SMG1: variants seen among roughly 807,000 people sequenced by gnomAD.
SMG1 encodes the protein SMG1 nonsense mediated mRNA decay associated PI3K related kinase.
Under a neutral mutation model 419.9 loss-of-function variants are expected in SMG1, and 22 were observed. That is an observed-to-expected ratio of 0.05 (90% CI 0.04 to 0.07). SMG1 has a LOEUF of 0.07. Among genes scored for constraint, SMG1 ranks in the 10% least tolerant of loss-of-function variants. The pLI is 1.00. For missense variants in SMG1, 3,185 were observed against 4,342.0 expected (o/e 0.73, Z 7.49); for synonymous variants, 1,538 against 1,553.5 (o/e 0.99, Z 0.23).
At chr16:18,902,730 G>C (rs1567446911) in intron 1 of SMG1, among the ~76,000 whole-genome samples, 2 of 151,558 alleles carry the variant, frequency 1.3e-5, no homozygotes, top group Admixed American at 6.6e-5. Context: ...GAGTGGTCTT[G>C]GGAACCCCCA....
intron 46 of SMG1, 91 bp from the exon 47 acceptor site, chr16:18,836,623 G>T: frequency 7.5e-7 from 1 of 1,340,068 alleles, no homozygotes; most frequent in South Asian, 1.4e-5. Flanking sequence ...CACATGGACT[G>T]TCTGGTACGC....
At chr16:18,830,666 T>C (rs764105201) in intron 51 of SMG1, among the ~76,000 whole-genome samples, 22 of 152,274 alleles carry the variant, frequency 1.4e-4, no homozygotes, top group Non-Finnish European at 2.9e-4. Context: ...GGTGGGCACC[T>C]GTAGTCCCAG....
intron 23 of SMG1, 76 bp downstream of exon 23, chr16:18,866,545 C>T: frequency 7.5e-7 from 1 of 1,329,340 alleles, no homozygotes; most frequent in African/African-American, 1.4e-5. Flanking sequence ...TAAGATTTGG[C>T]TACAATGTCA....
At chr16:18,889,849 T>C (rs2036800231) in intron 5 of SMG1, among the ~76,000 whole-genome samples, 1 of 152,138 alleles carries the variant, frequency 6.6e-6, no homozygotes, top group Admixed American at 6.6e-5. Flanking sequence ...AATGCTAAAT[T>C]CCATCTCAAA....
At position 18,850,153 on chromosome 16, in the gene SMG1, A is replaced by G. The variant is rs368374192; in HGVS notation, c.5284-27T>C. The G allele has an allele frequency of 6.2e-6, 10 of 1,601,970 alleles. No individual in the cohort carries two copies. In the African/African-American group the frequency reaches 1.1e-4, roughly 17 times the overall value. ...TAAGAGTGAAAGATGAGGGGAATAA[A>G]TAAGAAAATAACTCAGAACACTACT... On this transcript the variant is annotated intron_variant, in intron 34 of 62. Transcript: ENST00000446231.
chr16:18,830,397 C>G (rs529696928), intron 51 of SMG1, 28 bp from the exon 52 acceptor site: 1 of 1,612,070 alleles, frequency 6.2e-7, no homozygotes, highest in Non-Finnish European at 8.5e-7. Flanking sequence ...GAGTTAAAAC[C>G]TTCGCTGAAA....
intron 46 of SMG1, among the ~76,000 whole-genome samples, chr16:18,836,972 GAAA>G (rs1317258089): frequency 4.6e-5 from 7 of 152,172 alleles, no homozygotes; most frequent in Admixed American, 3.3e-4. Context: ...ATGGTAATGA[GAAA>G]ACCAAAACCC....
At chr16:18,866,808 A>G (rs770069969) in intron 22 of SMG1, 33 bp from the exon 23 acceptor site, 5 of 1,578,562 alleles carry the variant, frequency 3.2e-6, no homozygotes, top group Admixed American at 3.3e-5. Context: ...TAGTCACCCA[A>G]TACCATTAAA....
intron 29 of SMG1, chr16:18,857,644 C>T (rs1320538033): frequency 2.6e-5 from 4 of 152,160 alleles, no homozygotes; most frequent in Non-Finnish European, 4.4e-5. Flanking sequence ...GAGAGAAACA[C>T]AAATATACGT....
In SMG1 at chr16:18,869,868, G is replaced by C. The variant is rs1567399243; in HGVS notation, c.2619C>G (p.Asn873Lys). The C allele has an allele frequency of 3.2e-6, 5 of 1,582,528 alleles. No homozygotes were observed. Among genetic ancestry groups the C allele is most frequent in the South Asian group, 1.1e-5 (1 of 90,398 alleles). Reference sequence around the variant, plus strand: ...AAATGCCTTACCCTGTTCTATGAGAGTTCCCATACAAAATAAAACTAATAA... The same window carrying C: ...AAATGCCTTACCCTGTTCTATGAGACTTCCCATACAAAATAAAACTAATAA... ...SDVISFILYG[N>K]SHRTGKDNWL... The change falls in exon 19 of 63, where the codon AAC becomes AAG. Residue 873 changes from asparagine to lysine, a missense_variant. Physicochemically the swap from Asn to Lys is moderately conservative, Grantham distance 94 (BLOSUM62 0). Around this residue, in one of 27 missense-constraint regions of SMG1, gnomAD observed 297 missense variants for 491.0 expected, o/e 0.60. Transcript: ENST00000446231.
At chr16:18,889,793 C>T (rs932944471) in intron 5 of SMG1, among the ~76,000 whole-genome samples, 9 of 152,148 alleles carry the variant, frequency 5.9e-5, no homozygotes, top group Admixed American at 2.0e-4. Context: ...ATATTACTTT[C>T]TTTTTACAAA....
chr16:18,924,691 T>C (rs2038323759), intron 1 of SMG1, among the ~76,000 whole-genome samples: 1 of 152,144 alleles, frequency 6.6e-6, no homozygotes, highest in South Asian at 2.1e-4. Flanking sequence ...ACATCTCAAT[T>C]CTAGACTCAG....
rs555580548 is a variant in SMG1, at chr16:18,808,479, G to A, written c.*1090C>T. On this transcript the variant is annotated 3_prime_UTR_variant, in exon 63 of 63. Transcript: ENST00000446231. ...TTATTGTTAATCTATCATCAACAAT[G>A]TAAAACTCTAATAGATACTCTATCT... 3 of 152,248 alleles carry A rather than the reference G, an allele frequency of 2.0e-5. No homozygotes were observed. The East Asian group carries it at 5.8e-4, about 29-fold the overall frequency. The allele number at this position is 152,248 out of a possible 1,614,324, so 9.4% of individuals were successfully genotyped here.
In SMG1 at chr16:18,853,699, T is replaced by C; in HGVS notation, c.4652A>G (p.His1551Arg). Residue 1551 changes from histidine to arginine, a missense_variant, in exon 31 of 63, where the codon CAC becomes CGC. By Grantham distance (29) the His-to-Arg change is conservative (BLOSUM62 0). Around this residue, in one of 27 missense-constraint regions of SMG1, gnomAD observed 493 missense variants for 552.9 expected, o/e 0.89. Transcript: ENST00000446231. The part of the protein sequence containing the change: ...GQLKQVYRAQ[H>R]QQNFTGLSTL... ...AGAAAGACCTGTGAAGTTCTGTTGG[T>C]GCTGAGCTCTGTAAACCTGTTTCAG... The C allele has an allele frequency of 6.2e-7, 1 of 1,613,870 alleles. No individual in the cohort carries two copies. Among genetic ancestry groups the C allele is most frequent in the Non-Finnish European group, 8.5e-7 (1 of 1,179,828 alleles).
chr16:18,871,645 T>C (rs989138937), intron 15 of SMG1, among the ~76,000 whole-genome samples, 163 bp from the exon 16 acceptor site: 9 of 152,150 alleles, frequency 5.9e-5, no homozygotes, highest in Admixed American at 5.9e-4. Context: ...ACTGTCAAAA[T>C]TGTTGTGTGC....
chr16:18,817,581 CAGAATTGGTCCTGA>C (rs2032130055), intron 56 of SMG1, 111 bp from the exon 57 acceptor site: 1 of 862,252 alleles, frequency 1.2e-6, no homozygotes, highest in Non-Finnish European at 1.7e-6. Flanking sequence ...AATTCAGGAC[CAGAATTGGTCCTGA>C]AAATGTTTGG....
Position 18,848,044 on chromosome 16 carries a change from A to T in SMG1, c.5624-11T>A. 1 of 1,600,206 alleles carries T rather than the reference A, an allele frequency of 6.2e-7. No individual in the cohort carries two copies. The highest frequency in any genetic ancestry group is 8.6e-7 in the Non-Finnish European group (1 of 1,167,792). On this transcript the variant is annotated splice_polypyrimidine_tract_variant and intron_variant, in intron 36 of 62. Transcript: ENST00000446231. ...TGGAAAATTTATTTCCTGTAATGAA[A>T]TAGGAGAACAAGGAATATTTTGAAC...
At chr16:18,893,186 C>T (rs922147510) in intron 3 of SMG1, among the ~76,000 whole-genome samples, 1 of 152,228 alleles carries the variant, frequency 6.6e-6, no homozygotes, top group African/African-American at 2.4e-5. Flanking sequence ...TTTAGTTCAA[C>T]AAATGTCTAA....
chr16:18,841,397 C>CA (rs149043036), intron 41 of SMG1, among the ~76,000 whole-genome samples, 168 bp downstream of exon 41: 6,502 of 105,160 alleles, frequency 0.062, 583 homozygotes, highest in African/African-American at 0.2. Flanking sequence ...GACTGTGTCT[C>CA]AAAAAAAAAA....
Sources: allele counts gnomAD v4.1 joint callset (sites outside exome capture counted in the v4.1 genomes callset), GRCh38; gene constraint gnomAD v4.1.1; regional missense constraint gnomAD v4.1.1; transcripts MANE v1.5; gene names NCBI Gene and HGNC (gene_info 2026-07-23, HGNC 2026-07-21).